Variants in RNGTT observed in about 807,000 individuals in gnomAD.
RNGTT encodes the protein RNA guanylyltransferase and 5'-phosphatase.
RNGTT carries 33 observed loss-of-function variants against 79.3 expected under a neutral mutation model. The ratio of observed to expected loss-of-function variants is 0.42; its 90% CI spans 0.32 to 0.56. The LOEUF is 0.56. Among genes scored for constraint, RNGTT ranks in the 20% least tolerant of loss-of-function variants. RNGTT has a pLI of 0.17. For missense variants in RNGTT, 497 were observed against 739.1 expected, an observed-to-expected ratio of 0.67 and a Z score of 3.80; for synonymous variants, 222 against 235.9, an observed-to-expected ratio of 0.94 and a Z score of 0.54.
At chr6:88,805,508 A>T (rs1226673248) in intron 11 of RNGTT, among the ~76,000 whole-genome samples, 1 of 152,220 alleles carries the variant, frequency 6.6e-6, no homozygotes, top group Non-Finnish European at 1.5e-5. Context: ...GAATAAATCC[A>T]TATGCAGCTA....
At chr6:88,878,644 AAAT>A (rs1782596300) in intron 8 of RNGTT, among the ~76,000 whole-genome samples, 1 of 152,278 alleles carries the variant, frequency 6.6e-6, no homozygotes, top group Non-Finnish European at 1.5e-5. Flanking sequence ...ATTTGTTTGT[AAAT>A]AATAAGATAG....
At chr6:88,658,813 C>T (rs1415869172) in intron 14 of RNGTT, among the ~76,000 whole-genome samples, 1 of 152,228 alleles carries the variant, frequency 6.6e-6, no homozygotes, top group Non-Finnish European at 1.5e-5. Context: ...GCTTCCTGCC[C>T]TCAAACATCA....
chr6:88,963,245 CCACTAATGGG>C lies in RNGTT; in HGVS notation c.64+91_64+100del, dbSNP rs541699335. ...CGGAGCATATCCCGCTCCTGAAATA[CCACTAATGGG>C]CACAGAACCACCAAAAGCTGAGCTC... On this transcript the variant is annotated intron_variant, in intron 1 of 15. Transcript: ENST00000369485. 9.0e-4 allele frequency: 1,080 copies of C among 1,202,514 alleles called. 7 individuals carry two copies. Among genetic ancestry groups the C allele is most frequent in the Middle Eastern group, 4.6e-3 (24 of 5,244 alleles). The allele number at this position is 1,202,514 out of a possible 1,614,324, so 74.5% of individuals were successfully genotyped here. A position where few individuals can be genotyped will look rare whatever the true frequency, so the allele number is the denominator to read the frequency against.
chr6:88,962,424 G>A (rs561307382), intron 1 of RNGTT, among the ~76,000 whole-genome samples: 36 of 152,236 alleles, frequency 2.4e-4, no homozygotes, highest in African/African-American at 8.7e-4. Context: ...TTGAGTCCAC[G>A]AGTTCAAGAC....
chr6:88,931,677 A>C (rs1162963745), intron 2 of RNGTT, among the ~76,000 whole-genome samples: 1 of 152,224 alleles, frequency 6.6e-6, no homozygotes, highest in Non-Finnish European at 1.5e-5. Context: ...AACAGTATAC[A>C]TGGCCATATG....
Position 88,769,898 on chromosome 6 carries a change from A to G in RNGTT, c.1339-24T>C, listed in dbSNP as rs200757102. On this transcript the variant is annotated intron_variant, in intron 12 of 15. Transcript: ENST00000369485. The stretch of plus-strand genomic sequence containing the variant: ...TTCTAAAGCCAATTAAAATGATGAC[A>G]ATCGTTACTAAGAAGTTAAAAATTA... The G allele has an allele frequency of 3.6e-4, 534 of 1,504,104 alleles. 2 individuals carry two copies. In the African/African-American group the frequency reaches 6.6e-3, roughly 19 times the overall value. 93.2% of individuals were successfully genotyped at this position (1,504,104 alleles called of 1,614,324 possible).
intron 14 of RNGTT, among the ~76,000 whole-genome samples, chr6:88,669,653 G>A (rs144684964): frequency 2.1e-4 from 32 of 152,264 alleles, no homozygotes; most frequent in Non-Finnish European, 3.8e-4. Context: ...AGGACTGGAC[G>A]GCTCCAGCTA....
In RNGTT at chr6:88,853,712, T is replaced by C. The variant is rs1781749610; in HGVS notation, c.949A>G (p.Asn317Asp). 2 of 1,581,062 alleles carry C rather than the reference T, an allele frequency of 1.3e-6. No homozygotes were observed. The highest frequency in any genetic ancestry group is 1.7e-6 in the Non-Finnish European group (2 of 1,156,730). ...TNEVFMIDRD[N>D]SVFHVSNLEF... Reference sequence around the variant, plus strand: ...AGATTTGAAACATGAAATACTGAATTGTCTCTATCAATCATAAAAACTTCA... The same window carrying C: ...AGATTTGAAACATGAAATACTGAATCGTCTCTATCAATCATAAAAACTTCA... The change falls in exon 9 of 16, where the codon AAT (asparagine) becomes GAT (aspartate). Residue 317 changes from asparagine to aspartate, a missense_variant. Coordinates refer to ENST00000369485, the MANE Select transcript of RNGTT (RefSeq NM_003800.5).
chr6:88,961,341 A>ATG lies in RNGTT; in HGVS notation c.64+2003_64+2004dup, dbSNP rs557479580. ...CGTCTGTATGTGTGTGTGTGTATGT[A>ATG]TGTGTGTGTGTGTATATATATATAT... On this transcript the variant is annotated intron_variant, in intron 1 of 15. Coordinates refer to ENST00000369485, the MANE Select transcript of RNGTT (RefSeq NM_003800.5). 9.7e-4 allele frequency among the ~76,000 whole-genome samples: 147 copies of ATG among 151,086 alleles called. 1 individual carries two copies. In the South Asian group the frequency reaches 0.019, roughly 20 times the overall value.
At chr6:88,867,510 A>G (rs1376252667) in intron 8 of RNGTT, among the ~76,000 whole-genome samples, 1 of 152,150 alleles carries the variant, frequency 6.6e-6, no homozygotes, top group African/African-American at 2.4e-5. Context: ...AGAGAGAATG[A>G]AAATGGAAAG....
At chr6:88,733,595 GA>G (rs759837319) in intron 13 of RNGTT, among the ~76,000 whole-genome samples, 2 of 149,736 alleles carry the variant, frequency 1.3e-5, no homozygotes, top group African/African-American at 4.9e-5. Flanking sequence ...AGCTAAAAAA[GA>G]AAAAAAACAA....
In RNGTT at chr6:88,853,638, G is replaced by A. The variant is rs372437134; in HGVS notation, c.1023C>T (p.Leu341=). 4.4e-6 allele frequency: 7 copies of A among 1,580,346 alleles called. No individual in the cohort carries two copies. Among genetic ancestry groups the A allele is most frequent in the Admixed American group, 3.7e-5 (2 of 54,628 alleles). The stretch of plus-strand genomic sequence containing the variant: ...CATAAATATGACTTACGCCATCCAA[G>A]AGAGTATTTGATAAATGCATACGAA... The part of the protein sequence containing the change: ...KDLRMHLSNT[L]LDGEMIIDRV... Residue 341 remains leucine, a synonymous_variant, in exon 9 of 16, where the codon CTC becomes CTT. Transcript: ENST00000369485.
Position 88,824,933 on chromosome 6 carries a change from G to A in RNGTT, c.1269+19424C>T, listed in dbSNP as rs190183602. On this transcript the variant is annotated intron_variant, in intron 11 of 15. Coordinates refer to ENST00000369485, the MANE Select transcript of RNGTT (RefSeq NM_003800.5). The stretch of plus-strand genomic sequence containing the variant: ...AATTTTTGTATTTTTAGTAAAGACG[G>A]GGTTTCACCACGTTGGCCAGGCTGG... 2.4e-3 allele frequency among the ~76,000 whole-genome samples: 358 copies of A among 151,822 alleles called. 4 individuals carry two copies. Among genetic ancestry groups the A allele is most frequent in the African/African-American group, 8.4e-3 (349 of 41,410 alleles).
At chr6:88,669,671 C>T (rs1022086351) in intron 14 of RNGTT, among the ~76,000 whole-genome samples, 1 of 152,180 alleles carries the variant, frequency 6.6e-6, no homozygotes, top group Non-Finnish European at 1.5e-5. Flanking sequence ...CTAGACTATA[C>T]TGGATATGTG....
chr6:88,754,056 CA>C (rs1402268054), intron 13 of RNGTT, among the ~76,000 whole-genome samples: 1 of 151,852 alleles, frequency 6.6e-6, no homozygotes, highest in African/African-American at 2.4e-5. Context: ...ACAATAAAGT[CA>C]AAAAAGAGAA....
At chr6:88,959,596 T>G (rs561890107) in intron 1 of RNGTT, among the ~76,000 whole-genome samples, 2 of 152,208 alleles carry the variant, frequency 1.3e-5, no homozygotes, top group Admixed American at 6.5e-5. Context: ...ACTCTTCATC[T>G]GTCACTTTTA....
rs1026929073 is a variant in RNGTT at position 88,716,588 on chromosome 6, C to T, written c.1440-38169G>A. The stretch of plus-strand genomic sequence containing the variant: ...AAGCCAAAAGTCCAACAATGATAGA[C>T]TGGATTAAGAAAATGTGGCACATAT... On this transcript the variant is annotated intron_variant, in intron 13 of 15. Transcript: ENST00000369485. 2.0e-5 allele frequency among the ~76,000 whole-genome samples: 3 copies of T among 152,112 alleles called. No individual in the cohort carries two copies. In the East Asian group the frequency reaches 5.8e-4, roughly 29 times the overall value.
intron 11 of RNGTT, among the ~76,000 whole-genome samples, chr6:88,818,428 C>A (rs1780395357): frequency 6.6e-6 from 1 of 151,850 alleles, no homozygotes; most frequent in Non-Finnish European, 1.5e-5. Flanking sequence ...ACTAAAAATA[C>A]AAAAATTAGC....
intron 11 of RNGTT, among the ~76,000 whole-genome samples, chr6:88,825,735 T>C (rs1780635334): frequency 1.3e-5 from 2 of 152,244 alleles, no homozygotes; most frequent in South Asian, 4.1e-4. Context: ...TAGTTCACTA[T>C]TAGAGCTTTT....
Sources: gnomAD v4.1 joint callset for allele counts (sites outside exome capture counted in the v4.1 genomes callset) on GRCh38, gnomAD v4.1.1 for gene constraint, MANE v1.5 for transcripts, NCBI Gene and HGNC (gene_info 2026-07-23, HGNC 2026-07-21) for gene names.